PHLDB2: variants seen among roughly 807,000 people sequenced by gnomAD.
PHLDB2 encodes the protein pleckstrin homology-like domain family B member 2.
PHLDB2 carries 71 observed loss-of-function variants against 123.6 expected under a neutral mutation model. The ratio of observed to expected loss-of-function variants is 0.57; its 90% CI spans 0.47 to 0.70. The LOEUF is 0.70. Among genes scored for constraint, PHLDB2 ranks in the 30% least tolerant of loss-of-function variants. PHLDB2 has a pLI of 0.00. For missense variants in PHLDB2, 1,446 were observed against 1,519.5 expected, an observed-to-expected ratio of 0.95 and a Z score of 0.80; for synonymous variants, 547 against 541.6, an observed-to-expected ratio of 1.01 and a Z score of -0.14.
chr3:111,764,582 T>TA (rs199878660), intron 1 of PHLDB2, among the ~76,000 whole-genome samples: 97 of 151,288 alleles, frequency 6.4e-4, no homozygotes, highest in African/African-American at 1.6e-3. Context: ...GGAACTATGA[T>TA]AAAAAAAAAT....
At chr3:111,861,477 G>A (rs1165936731) in intron 1 of PHLDB2, among the ~76,000 whole-genome samples, 1 of 152,214 alleles carries the variant, frequency 6.6e-6, no homozygotes, top group African/African-American at 2.4e-5. Context: ...CATCTCTTGA[G>A]ACCCAGAGGT....
chr3:111,921,751 C>T (rs376737937), intron 5 of PHLDB2, among the ~76,000 whole-genome samples: 55 of 152,160 alleles, frequency 3.6e-4, no homozygotes, highest in Non-Finnish European at 5.4e-4. Flanking sequence ...TACAGGCACC[C>T]GCCACCACAC....
At chr3:111,939,869 A>C (rs1328486002) in intron 7 of PHLDB2, among the ~76,000 whole-genome samples, 1 of 152,236 alleles carries the variant, frequency 6.6e-6, no homozygotes, top group Non-Finnish European at 1.5e-5. Flanking sequence ...GGCATAGAAA[A>C]TCAGGAATTC....
At chr3:111,835,503 C>A (rs756301134) in intron 1 of PHLDB2, among the ~76,000 whole-genome samples, 2 of 152,154 alleles carry the variant, frequency 1.3e-5, no homozygotes, top group Non-Finnish European at 2.9e-5. Context: ...CTGCCTCTGT[C>A]AATAGCTGGT....
At chr3:111,876,222 A>C (rs532148659) in intron 1 of PHLDB2, among the ~76,000 whole-genome samples, 76 of 152,292 alleles carry the variant, frequency 5.0e-4, no homozygotes, top group Non-Finnish European at 9.7e-4. Flanking sequence ...AAAATGAGGA[A>C]GGGGGTGCTA....
chr3:111,921,881 C>T (rs1376862093), intron 5 of PHLDB2, among the ~76,000 whole-genome samples: 3 of 152,166 alleles, frequency 2.0e-5, no homozygotes, highest in Admixed American at 6.5e-5. Flanking sequence ...GGATTACAGG[C>T]GTGAGCCGCC....
chr3:111,959,411 T>G (rs2071256507), intron 12 of PHLDB2, among the ~76,000 whole-genome samples: 1 of 152,226 alleles, frequency 6.6e-6, no homozygotes, highest in African/African-American at 2.4e-5. Flanking sequence ...CCACTCACTT[T>G]GGATTCATGG....
chr3:111,781,647 T>G (rs1317982174), intron 1 of PHLDB2, among the ~76,000 whole-genome samples: 2 of 152,152 alleles, frequency 1.3e-5, no homozygotes, highest in East Asian at 3.8e-4. Context: ...CAGGCTCACA[T>G]AGATAACAGA....
intron 1 of PHLDB2, among the ~76,000 whole-genome samples, chr3:111,876,884 T>C (rs2065653565): frequency 6.6e-6 from 1 of 152,212 alleles, no homozygotes; most frequent in Admixed American, 6.5e-5. Flanking sequence ...TCCATGTCCC[T>C]GCAAAAGACA....
chr3:111,940,682 C>T, intron 8 of PHLDB2, 37 bp downstream of exon 8: 1 of 1,270,848 alleles, frequency 7.9e-7, no homozygotes, highest in Admixed American at 2.4e-5. Context: ...TACAGTAAAA[C>T]ATAGGTTCCA....
chr3:111,954,600 C>A (rs2070923817), intron 12 of PHLDB2, among the ~76,000 whole-genome samples: 2 of 152,102 alleles, frequency 1.3e-5, no homozygotes, highest in African/African-American at 4.8e-5. Context: ...AGATAGTCTT[C>A]ATGGGGCTAG....
At chr3:111,737,637 AACAGTTTGAATGTGCAATTTC>A (rs1182085186) in intron 1 of PHLDB2, among the ~76,000 whole-genome samples, 1 of 152,202 alleles carries the variant, frequency 6.6e-6, no homozygotes, top group Non-Finnish European at 1.5e-5. Context: ...ACAGGATTCA[AACAGTTTGAATGTGCAATTTC>A]ACTGTGCACT....
At chr3:111,758,302 G>A (rs1266537132) in intron 1 of PHLDB2, among the ~76,000 whole-genome samples, 1 of 152,202 alleles carries the variant, frequency 6.6e-6, no homozygotes, top group Non-Finnish European at 1.5e-5. Context: ...GCAACCCTGG[G>A]CAATGGTGGG....
rs979375160 is a variant in PHLDB2, at chr3:111,913,508, C to A, written c.1525C>A (p.His509Asn). 6 of 1,613,948 alleles carry A rather than the reference C, an allele frequency of 3.7e-6. No individual in the cohort carries two copies. In the African/African-American group the frequency reaches 8.0e-5, roughly 22 times the overall value. ...GAGCCCTGACACAAGATACAGGTGC[C>A]ACCGGAAAGACTCCCTCCCTGATGC... ...LMSPDTRYRC[H>N]RKDSLPDADL... Residue 509 changes from histidine to asparagine, a missense_variant, in exon 3 of 18, where the codon CAC becomes AAC. This residue lies in a region of PHLDB2 where 832 missense variants were observed against 831.9 expected (regional missense o/e 1.00). Transcript: ENST00000431670.
chr3:111,742,251 C>T lies in PHLDB2; in HGVS notation c.-49+9548C>T, dbSNP rs79747360. On this transcript the variant is annotated intron_variant, in intron 1 of 17. Coordinates refer to the PHLDB2 transcript ENST00000393923. ...ATCAAAAGCTATTTACTCCCACTTC[C>T]CCCAGGCCAAAGTCATAATAGCATG... is the stretch of plus-strand genomic sequence containing the variant. 5.3e-4 allele frequency among the ~76,000 whole-genome samples: 80 copies of T among 152,232 alleles called. 1 individual carries two copies. The East Asian group carries it at 0.014, about 26-fold the overall frequency.
upstream of PHLDB2, among the ~76,000 whole-genome samples, chr3:111,857,442 C>A (rs2064562472): frequency 1.8e-5 from 2 of 114,222 alleles, no homozygotes; most frequent in Admixed American, 2.1e-4. Context: ...CAAAGTGAGG[C>A]CCTGTCTCAA....
At chr3:111,923,620 A>G (rs2068649218) in intron 5 of PHLDB2, among the ~76,000 whole-genome samples, 1 of 152,038 alleles carries the variant, frequency 6.6e-6, no homozygotes, top group Admixed American at 6.5e-5. Context: ...TCTTGATCTT[A>G]TCTTTTCCCT....
chr3:111,752,127 A>T (rs937681831), intron 1 of PHLDB2, among the ~76,000 whole-genome samples: 2 of 152,126 alleles, frequency 1.3e-5, no homozygotes, highest in Non-Finnish European at 2.9e-5. Context: ...GGTGGAGCAA[A>T]TGACTTCATG....
In PHLDB2 at chr3:111,899,783, T is replaced by C. The variant is rs142407476; in HGVS notation, c.1336-13536T>C. ...CCAATATAAAGCTGTTTTGTCTACGTTGTTTGTTTGTTGATTGATTAATTG... is the reference window on the plus strand; with the variant it reads ...CCAATATAAAGCTGTTTTGTCTACGCTGTTTGTTTGTTGATTGATTAATTG... On this transcript the variant is annotated intron_variant, in intron 2 of 17. Transcript: ENST00000431670. Among the ~76,000 whole-genome samples, 274 of 152,228 alleles carry C rather than the reference T, an allele frequency of 1.8e-3. 1 individual carries two copies. Among genetic ancestry groups the C allele is most frequent in the African/African-American group, 6.4e-3 (266 of 41,524 alleles).
Sources: gnomAD v4.1 joint callset for allele counts (sites outside exome capture counted in the v4.1 genomes callset) on GRCh38, gnomAD v4.1.1 for gene constraint, gnomAD v4.1.1 regional missense constraint, MANE v1.5 for transcripts, NCBI Gene and HGNC (gene_info 2026-07-23, HGNC 2026-07-21) for gene names.